The following MYO15B variants were observed in gnomAD, a reference collection of about 807,000 sequenced individuals.
MYO15B encodes the protein myosin XVB.
A neutral mutation model predicts 119.3 loss-of-function variants in MYO15B; 207 were observed. The observed-to-expected ratio is 1.73, with a 90% CI of 1.55 to 1.95. The LOEUF (loss-of-function observed/expected upper bound fraction) is 1.95, where lower values mean the gene tolerates loss of function less well. Among genes scored for constraint, MYO15B ranks in the 30% most tolerant of loss-of-function variants. The pLI is 0.00. For missense variants in MYO15B, 2,264 were observed against 1,203.1 expected (o/e 1.88, Z -13.04); for synonymous variants, 966 against 498.9 (o/e 1.94, Z -12.48).
chr17:75,614,805 T>G (rs748937992), exon 32 of MYO15B: 2 of 702,832 alleles, frequency 2.8e-6, no homozygotes, highest in South Asian at 3.0e-5. Context: ...CCTGGACGGC[T>G]TCCTGGACCA....
exon 32 of MYO15B, chr17:75,614,792 G>T (rs2058261856): frequency 1.4e-6 from 1 of 702,826 alleles, no homozygotes; most frequent in Non-Finnish European, 2.6e-6. Context: ...AGAGGTCAGG[G>T]AGCCTGGACG....
Position 75,613,435 on chromosome 17 carries a change from C to CG in MYO15B, c.5114dup (p.Arg1706ProfsTer71), listed in dbSNP as rs1318672406. 4.3e-5 allele frequency: 29 copies of CG among 680,592 alleles called. No individual in the cohort carries two copies. Among genetic ancestry groups the CG allele is most frequent in the Admixed American group, 3.1e-4 (13 of 42,248 alleles). The allele number at this position is 680,592 out of a possible 1,614,324, so 42.2% of individuals were successfully genotyped here. ...GCTGGAGTGGCTGGCCGGATGGCGG[C>CG]GGGGCCGCATGGCGCTGGATGTGTT... On this transcript the variant is annotated frameshift_variant, in exon 28 of 64. Coordinates refer to ENST00000645453, the Ensembl canonical transcript of MYO15B. LOFTEE classifies it high-confidence loss of function.
At position 75,589,196 on chromosome 17, in the gene MYO15B, TGCG is replaced by T; in HGVS notation, c.1148_1150del (p.Arg383del). 3.0e-6 allele frequency: 1 copy of T among 329,356 alleles called. No individual in the cohort carries two copies. The highest frequency in any genetic ancestry group is 5.3e-6 in the Non-Finnish European group (1 of 189,436). 20.4% of individuals were successfully genotyped at this position (329,356 alleles called of 1,614,324 possible). The stretch of plus-strand genomic sequence containing the variant: ...CGAGCCCTGGGCCTCCTGCGCTGGC[TGCG>T]GCGGCGGCTGCGGCTGCGGCGGCGG... On this transcript the variant is annotated inframe_deletion, in exon 1 of 64. Transcript: ENST00000645453. The surrounding 1 kb of genome is among the most constrained non-coding windows in gnomAD (Gnocchi z 4.2).
chr17:75,594,044 C>T (rs1325215915), intron 9 of MYO15B, among the ~76,000 whole-genome samples: 1 of 142,746 alleles, frequency 7.0e-6, no homozygotes, highest in Non-Finnish European at 1.5e-5. Flanking sequence ...GAGCCTTGAT[C>T]GTGCCACTGC....
At chr17:75,590,683 T>G (rs4788901) in exon 2 of MYO15B, 1 of 182,582 alleles carries the variant, frequency 5.5e-6, no homozygotes, top group Non-Finnish European at 1.1e-5. Context: ...ACCTGGGCCG[T>G]ATCTATGTAT....
intron 21 of MYO15B, among the ~76,000 whole-genome samples, chr17:75,609,608 T>G (rs762796436): frequency 8.9e-5 from 13 of 146,166 alleles, no homozygotes; most frequent in Non-Finnish European, 1.2e-4. Context: ...AGTCTCTCAA[T>G]TTACTCGTTC....
exon 55 of MYO15B, chr17:75,623,965 G>A (rs1440263950): frequency 2.8e-6 from 2 of 702,878 alleles, no homozygotes; most frequent in East Asian, 2.7e-5. Context: ...CTGCACTCGA[G>A]GCTGGAGCTT....
In MYO15B at chr17:75,605,786, AG is replaced by A. The variant is rs2057606385; in HGVS notation, c.4135-76del. 14 of 647,384 alleles carry A rather than the reference AG, an allele frequency of 2.2e-5. No homozygotes were observed. In the South Asian group the frequency reaches 2.4e-4, roughly 11 times the overall value. 40.1% of individuals were successfully genotyped at this position (647,384 alleles called of 1,614,324 possible). A position where few individuals can be genotyped will look rare whatever the true frequency, so the allele number is the denominator to read the frequency against. On this transcript the variant is annotated intron_variant, in intron 20 of 63. Transcript: ENST00000645453. ...AGAACAAATGGTTTGGCTGGAAGGG[AG>A]GAGGCTGAGACCAGAGGAGGAGAGC...
chr17:75,588,670 A>T, exon 1 of MYO15B: 1 of 400,232 alleles, frequency 2.5e-6, no homozygotes, highest in Non-Finnish European at 4.4e-6. Context: ...GCTGGAGCCA[A>T]GCAGCGACGG....
chr17:75,598,979 T>A (rs1470757188), intron 14 of MYO15B, among the ~76,000 whole-genome samples: 2 of 152,202 alleles, frequency 1.3e-5, no homozygotes. Flanking sequence ...TTACATAATA[T>A]AGGCAAGTTC....
At chr17:75,598,511 G>C (rs1276464672) in intron 14 of MYO15B, among the ~76,000 whole-genome samples, 3 of 137,056 alleles carry the variant, frequency 2.2e-5, no homozygotes, top group African/African-American at 8.3e-5. Flanking sequence ...CTGGGCGACA[G>C]AGCGAGACTC....
chr17:75,617,646 A>G, intron 41 of MYO15B, 164 bp from the exon 42 acceptor site: 1 of 591,216 alleles, frequency 1.7e-6, no homozygotes, highest in Non-Finnish European at 3.0e-6. Context: ...TTAGGGCCCA[A>G]AATGGAGGCA....
intron 26 of MYO15B, 28 bp downstream of exon 26, chr17:75,612,921 G>C (rs1405177402): frequency 1.6e-5 from 11 of 695,772 alleles, no homozygotes; most frequent in African/African-American, 8.7e-5. Flanking sequence ...GAAGGGACAG[G>C]ATAGGCGCCT....
At chr17:75,604,711 G>A (rs186417378) in intron 19 of MYO15B, among the ~76,000 whole-genome samples, 1 of 151,900 alleles carries the variant, frequency 6.6e-6, no homozygotes, top group East Asian at 1.9e-4. Context: ...CTCCAGCGCA[G>A]AGACCCTCCC....
rs1393135882 is a variant in MYO15B at position 75,623,845 on chromosome 17, A to AC, written c.8152dup (p.Arg2718ProfsTer67). On this transcript the variant is annotated frameshift_variant, in exon 54 of 64. Transcript: ENST00000645453. LOFTEE classifies it high-confidence loss of function. ...CAGGTTATCAAGCAGGTCACGGGAC[A>AC]CCCCCGGCCGTGAGTGGGGACCGGT... 1.5e-6 allele frequency: 1 copy of AC among 686,066 alleles called. No individual in the cohort carries two copies. The highest frequency in any genetic ancestry group is 2.6e-6 in the Non-Finnish European group (1 of 380,644). The allele number at this position is 686,066 out of a possible 1,614,324, so 42.5% of individuals were successfully genotyped here. A position where few individuals can be genotyped will look rare whatever the true frequency, so the allele number is the denominator to read the frequency against.
At position 75,609,767 on chromosome 17, in the gene MYO15B, G is replaced by A. The variant is rs570264907; in HGVS notation, c.4293-399G>A. Among the ~76,000 whole-genome samples, 6 of 142,770 alleles carry A rather than the reference G, an allele frequency of 4.2e-5. No homozygotes were observed. In the East Asian group the frequency reaches 6.7e-4, roughly 16 times the overall value. The allele number at this position is 142,770 out of a possible 152,430, so 93.7% of individuals were successfully genotyped here. A position where few individuals can be genotyped will look rare whatever the true frequency, so the allele number is the denominator to read the frequency against. On this transcript the variant is annotated intron_variant, in intron 21 of 63. Coordinates refer to ENST00000645453, the Ensembl canonical transcript of MYO15B. ...GTCACCCAGGCTGGAGTGCAATGGC[G>A]CGATCTCGGCTCACTTGAATCTCCA...
At chr17:75,610,929 C>T (rs187408737) in exon 23 of MYO15B, 66 of 702,996 alleles carry the variant, frequency 9.4e-5, no homozygotes, top group Non-Finnish European at 1.0e-4. Flanking sequence ...GGCATAGCAG[C>T]GAAAGGGCCT....
At chr17:75,621,927 T>A in intron 52 of MYO15B, 77 bp from the exon 53 acceptor site, 1 of 685,674 alleles carries the variant, frequency 1.5e-6, no homozygotes, top group South Asian at 1.5e-5. Context: ...GTGAAGGCCC[T>A]GCACAGCAAC....
chr17:75,592,402 G>A (rs569987613), intron 7 of MYO15B, 26 bp from the exon 8 acceptor site: 1 of 663,634 alleles, frequency 1.5e-6, no homozygotes, highest in African/African-American at 1.8e-5. Context: ...AGGGCACTGA[G>A]CCCCTAAGCC....
Sources: gnomAD v4.1 joint callset for allele counts (sites outside exome capture counted in the v4.1 genomes callset) on GRCh38, gnomAD v4.1.1 for gene constraint, Gnocchi (gnomAD v3.1) non-coding constraint, MANE v1.5 for transcripts, NCBI Gene and HGNC (gene_info 2026-07-23, HGNC 2026-07-21) for gene names.